Variants in MUCL1 observed in about 807,000 individuals in gnomAD.
MUCL1 encodes mucin like 1, also known as mucin-like protein 1.
In MUCL1, 11 loss-of-function variants were observed where a neutral mutation model predicts 9.2. The ratio of observed to expected loss-of-function variants is 1.19; its 90% CI spans 0.75 to 1.97. The LOEUF is 1.97. Among genes scored for constraint, MUCL1 ranks in the 30% most tolerant of loss-of-function variants. MUCL1 has a pLI of 0.00. For missense variants in MUCL1, 144 were observed against 110.9 expected (o/e 1.30, Z -1.34); for synonymous variants, 48 against 40.5 (o/e 1.19, Z -0.71).
At chr12:54,842,546 G>A (rs926831617) in intron 1 of MUCL1, among the ~76,000 whole-genome samples, 3 of 152,022 alleles carry the variant, frequency 2.0e-5, no homozygotes, top group African/African-American at 7.2e-5. Flanking sequence ...TCTGTGCCTG[G>A]TTCATCCATG....
chr12:54,849,924 C>G (rs753945371), upstream of MUCL1, among the ~76,000 whole-genome samples: 46 of 152,172 alleles, frequency 3.0e-4, no homozygotes, highest in Admixed American at 8.5e-4. Flanking sequence ...CTCCCCTACA[C>G]CCTGAGCCTT....
In MUCL1 at chr12:54,854,589, T is replaced by C. The variant is rs747546484; in HGVS notation, c.7T>C (p.Phe3Leu). MKFLAVLVLLGVS... is the reference protein window; with the variant it reads MKLLAVLVLLGVS... ...TGATCTTCAGGTCACCACCATGAAG[T>C]TCTTAGCAGTCCTGGTACTCTTGGG... The change falls in exon 1 of 4, where the codon TTC becomes CTC. Residue 3 changes from phenylalanine to leucine, a missense_variant. Physicochemically the swap from Phe to Leu is conservative, Grantham distance 22. Coordinates refer to ENST00000308796, the MANE Select transcript of MUCL1 (RefSeq NM_058173.3). The C allele has an allele frequency of 6.2e-7, 1 of 1,613,264 alleles. No homozygotes were observed.
chr12:54,850,891 T>G (rs1959328873), upstream of MUCL1, among the ~76,000 whole-genome samples: 1 of 152,244 alleles, frequency 6.6e-6, no homozygotes, highest in Non-Finnish European at 1.5e-5. Context: ...GGTTTTGATT[T>G]GCATTTCTCT....
At chr12:54,853,986 A>T (rs112953517), upstream of MUCL1, among the ~76,000 whole-genome samples, 1 of 152,216 alleles carries the variant, frequency 6.6e-6, no homozygotes, top group South Asian at 2.1e-4. Context: ...TAGATCATTC[A>T]GTGTTGGACT....
At chr12:54,834,716 AT>A (rs1302429411), upstream of MUCL1, among the ~76,000 whole-genome samples, 1 of 151,950 alleles carries the variant, frequency 6.6e-6, no homozygotes, top group Non-Finnish European at 1.5e-5. Flanking sequence ...ATCCTACATG[AT>A]TGAAATTTTA....
upstream of MUCL1, among the ~76,000 whole-genome samples, chr12:54,853,038 T>C (rs994554623): frequency 2.0e-5 from 3 of 152,184 alleles, no homozygotes; most frequent in African/African-American, 7.2e-5. Flanking sequence ...TCTGCCTTTC[T>C]TCATTCACCT....
chr12:54,845,704 T>C (rs1959244569), intron 1 of MUCL1, among the ~76,000 whole-genome samples: 1 of 152,150 alleles, frequency 6.6e-6, no homozygotes, highest in African/African-American at 2.4e-5. Context: ...TGGTTACATT[T>C]TGTTACTGAC....
At chr12:54,846,151 A>G (rs892075127) in intron 1 of MUCL1, among the ~76,000 whole-genome samples, 1 of 152,176 alleles carries the variant, frequency 6.6e-6, no homozygotes, top group East Asian at 1.9e-4. Context: ...CTGGCCCTCT[A>G]TGCTTGCCAT....
At chr12:54,850,457 G>C (rs1026548980), upstream of MUCL1, among the ~76,000 whole-genome samples, 14 of 152,020 alleles carry the variant, frequency 9.2e-5, no homozygotes, top group African/African-American at 3.4e-4. Flanking sequence ...ATGGTTTCCA[G>C]CTTCATCCAT....
chr12:54,846,778 G>A (rs1959263303), intron 1 of MUCL1, among the ~76,000 whole-genome samples: 1 of 49,610 alleles, frequency 2.0e-5, no homozygotes, highest in Non-Finnish European at 4.9e-5. Flanking sequence ...GGAAGTGCCT[G>A]TGAGGTTTAT....
intron 1 of MUCL1, among the ~76,000 whole-genome samples, chr12:54,848,143 G>C: frequency 6.6e-6 from 1 of 151,270 alleles, no homozygotes; most frequent in East Asian, 1.9e-4. Flanking sequence ...GGCCACAGCT[G>C]CTGCAGGTTC....
intron 2 of MUCL1, among the ~76,000 whole-genome samples, chr12:54,856,204 G>T (rs908324583): frequency 6.6e-6 from 1 of 152,290 alleles, no homozygotes; most frequent in East Asian, 1.9e-4. Flanking sequence ...AGTCCAAGCT[G>T]CCACAGAGGG....
upstream of MUCL1, among the ~76,000 whole-genome samples, chr12:54,836,106 T>C (rs1959192735): frequency 6.6e-6 from 1 of 152,126 alleles, no homozygotes; most frequent in Non-Finnish European, 1.5e-5. Context: ...ACAGAATGAG[T>C]TAGGGAGGAT....
At chr12:54,847,586 G>A (rs143911308) in intron 1 of MUCL1, among the ~76,000 whole-genome samples, 19 of 152,318 alleles carry the variant, frequency 1.2e-4, no homozygotes, top group African/African-American at 4.6e-4. Flanking sequence ...TTGCACTCCA[G>A]CATGGGCATC....
intron 2 of MUCL1, chr12:54,855,407 T>A (rs1868291433): frequency 4.3e-6 from 2 of 465,880 alleles, no homozygotes; most frequent in Admixed American, 6.7e-5. Context: ...TTATTCATTG[T>A]TTTCCAGCAT....
chr12:54,832,426 T>C (rs543540147), intron 1 of MUCL1, among the ~76,000 whole-genome samples: 3 of 152,132 alleles, frequency 2.0e-5, no homozygotes, highest in African/African-American at 7.2e-5. Context: ...CTCTGTTTTA[T>C]GTTGTCTTTA....
intron 1 of MUCL1, among the ~76,000 whole-genome samples, chr12:54,848,659 T>G (rs763872788): frequency 6.6e-6 from 1 of 152,146 alleles, no homozygotes; most frequent in Non-Finnish European, 1.5e-5. Context: ...AAGAGGAAAT[T>G]CAAGTTGTCA....
intron 3 of MUCL1, among the ~76,000 whole-genome samples, chr12:54,857,601 T>C (rs11171132): frequency 0.11 from 17,444 of 152,058 alleles, 1,238 homozygotes; most frequent in Non-Finnish European, 0.16. Context: ...TTCTATGAAG[T>C]AAACATTTTA....
upstream of MUCL1, among the ~76,000 whole-genome samples, chr12:54,835,011 A>G (rs1959190569): frequency 6.6e-6 from 1 of 152,062 alleles, no homozygotes; most frequent in Non-Finnish European, 1.5e-5. Context: ...TTTGTTTTCC[A>G]TTCCTGAGTT....
Sources: allele counts gnomAD v4.1 joint callset (sites outside exome capture counted in the v4.1 genomes callset), GRCh38; gene constraint gnomAD v4.1.1; transcripts MANE v1.5; gene names NCBI Gene and HGNC (gene_info 2026-07-23, HGNC 2026-07-21).